Variants in DCPH1 observed in about 807,000 individuals in gnomAD.
DCPH1 encodes the protein damage control phosphatase 1, also known as damage-control phosphatase 1.
the DCPH1 span, chr6:151,458,375 A>G: frequency 6.2e-7 from 1 of 1,613,606 alleles, no homozygotes; most frequent in East Asian, 2.2e-5. Flanking sequence ...TTTCTAAATT[A>G]CGGAATGAAT....
At chr6:151,463,868 G>T in the DCPH1 span, among the ~76,000 whole-genome samples, 1 of 152,094 alleles carries the variant, frequency 6.6e-6, no homozygotes. Flanking sequence ...AAACATGAAG[G>T]TGTAGCCATG....
chr6:151,467,389 A>G, the DCPH1 span, among the ~76,000 whole-genome samples: 1 of 152,150 alleles, frequency 6.6e-6, no homozygotes, highest in Non-Finnish European at 1.5e-5. Flanking sequence ...GCTGGAGGCC[A>G]GGAGATGGAA....
the DCPH1 span, among the ~76,000 whole-genome samples, chr6:151,462,735 A>AGC: frequency 6.6e-6 from 1 of 152,242 alleles, no homozygotes; most frequent in African/African-American, 2.4e-5. Flanking sequence ...GTACATACAC[A>AGC]GCTTTAGTAG....
the DCPH1 span, among the ~76,000 whole-genome samples, chr6:151,467,191 C>G: frequency 6.6e-6 from 1 of 150,446 alleles, no homozygotes; most frequent in Non-Finnish European, 1.5e-5. Flanking sequence ...GGCAGAGGTG[C>G]AGTGAGCCAA....
the DCPH1 span, chr6:151,468,655 G>A: frequency 3.1e-6 from 5 of 1,613,842 alleles, no homozygotes; most frequent in Non-Finnish European, 4.2e-6. Context: ...GTTTGTTTCT[G>A]ATACTACTAT....
At chr6:151,467,869 TGA>T in the DCPH1 span, among the ~76,000 whole-genome samples, 4 of 152,318 alleles carry the variant, frequency 2.6e-5, no homozygotes, top group South Asian at 4.1e-4. Context: ...ATTTTACAAA[TGA>T]GAGAACCAAA....
At chr6:151,456,796 G>A in the DCPH1 span, among the ~76,000 whole-genome samples, 6 of 152,144 alleles carry the variant, frequency 3.9e-5, no homozygotes, top group Non-Finnish European at 8.8e-5. Context: ...CATTACAGGC[G>A]TGAGCCACTG....
the DCPH1 span, chr6:151,468,685 A>G: frequency 1.9e-6 from 3 of 1,613,968 alleles, no homozygotes; most frequent in South Asian, 2.2e-5. Flanking sequence ...TAATTGGTTA[A>G]TTGAACAGGT....
chr6:151,462,974 A>G, the DCPH1 span, among the ~76,000 whole-genome samples: 6 of 152,184 alleles, frequency 3.9e-5, no homozygotes, highest in Admixed American at 3.9e-4. Context: ...CGAACCTGCC[A>G]TTGTCGTGTG....
chr6:151,460,551 C>T, the DCPH1 span, among the ~76,000 whole-genome samples: 3 of 151,600 alleles, frequency 2.0e-5, no homozygotes, highest in South Asian at 2.1e-4. Context: ...TTTGGGAGGC[C>T]GAGGCAGGCA....
At chr6:151,452,844 G>T in the DCPH1 span, 4 of 427,194 alleles carry the variant, frequency 9.4e-6, 1 homozygote, top group Middle Eastern at 1.8e-3. Flanking sequence ...TGTTCCTGGC[G>T]GTCACTTTTT....
chr6:151,459,746 C>T, the DCPH1 span, among the ~76,000 whole-genome samples: 3 of 152,148 alleles, frequency 2.0e-5, no homozygotes, highest in Non-Finnish European at 4.4e-5. Context: ...GCCAAGATTA[C>T]ACCACCGCAC....
At chr6:151,463,260 A>G in the DCPH1 span, among the ~76,000 whole-genome samples, 1 of 152,228 alleles carries the variant, frequency 6.6e-6, no homozygotes, top group African/African-American at 2.4e-5. Context: ...TGCTAAAACC[A>G]TCTTTGAATT....
chr6:151,459,226 G>A, the DCPH1 span, among the ~76,000 whole-genome samples: 3 of 152,316 alleles, frequency 2.0e-5, no homozygotes, highest in African/African-American at 7.2e-5. Context: ...AGTAAAAAAT[G>A]TAAATTTGAA....
At chr6:151,468,667 C>A in the DCPH1 span, 1 of 1,613,774 alleles carries the variant, frequency 6.2e-7, no homozygotes, top group Non-Finnish European at 8.5e-7. Flanking sequence ...TACTACTATA[C>A]ATGATTTTAA....
chr6:151,470,036 T>G, the DCPH1 span: 4 of 152,176 alleles, frequency 2.6e-5, no homozygotes, highest in Admixed American at 1.3e-4. Flanking sequence ...GTTTTGAAAC[T>G]GAAATTGGAA....
At chr6:151,454,580 T>C in the DCPH1 span, 5 of 1,567,878 alleles carry the variant, frequency 3.2e-6, no homozygotes, top group Non-Finnish European at 4.4e-6. Context: ...AAAGACAGAA[T>C]ACCACAGATC....
chr6:151,466,295 A>T, the DCPH1 span, among the ~76,000 whole-genome samples: 11 of 119,514 alleles, frequency 9.2e-5, no homozygotes, highest in African/African-American at 2.0e-4. Context: ...CTTGGAATTA[A>T]AAAAAAAAAG....
the DCPH1 span, among the ~76,000 whole-genome samples, chr6:151,467,605 A>G: frequency 6.6e-6 from 1 of 152,168 alleles, no homozygotes; most frequent in African/African-American, 2.4e-5. Flanking sequence ...CTTGAGCCTT[A>G]GAGAGCTTAA....
Sources: gnomAD v4.1 joint callset for allele counts (sites outside exome capture counted in the v4.1 genomes callset) on GRCh38, gnomAD v4.1.1 for gene constraint, MANE v1.5 for transcripts, NCBI Gene and HGNC (gene_info 2026-07-23, HGNC 2026-07-21) for gene names.